The following MUC5B variants were observed in gnomAD, a reference collection of about 807,000 sequenced individuals.
The protein encoded by MUC5B is mucin 5B, oligomeric mucus/gel-forming.
A neutral mutation model predicts 376.9 loss-of-function variants in MUC5B; 116 were observed. The ratio of observed to expected loss-of-function variants is 0.31; its 90% CI spans 0.26 to 0.36. MUC5B has a LOEUF of 0.36. Among genes scored for constraint, MUC5B ranks in the 10% least tolerant of loss-of-function variants. The probability of loss-of-function intolerance (pLI) is 1.00; values close to 1 mark genes in which losing one functional copy is unlikely to be tolerated. For missense variants in MUC5B, 7,165 were observed against 7,769.9 expected, an observed-to-expected ratio of 0.92 and a Z score of 2.93; for synonymous variants, 3,517 against 3,390.9, an observed-to-expected ratio of 1.04 and a Z score of -1.29.
rs371958309 is a variant in MUC5B at position 1,226,624 on chromosome 11, C to T, written c.209C>T (p.Pro70Leu). ...TVFPSLSPLN[P>L]AHNGRVCSTW... ...CCCGCGCTCCCCACAGCCCTGAACC[C>T]GGCGCACAATGGGCGGGTGTGCAGC... Residue 70 changes from proline (P) to leucine (L), a missense_variant, in exon 4 of 49, where the codon CCG becomes CTG. Transcript: ENST00000529681. The T allele has an allele frequency of 2.7e-5, 43 of 1,609,866 alleles. No individual in the cohort carries two copies. The highest frequency in any genetic ancestry group is 2.3e-4 in the African/African-American group (17 of 74,848).
chr11:1,239,180 C>T (rs775866751), intron 26 of MUC5B, 153 bp downstream of exon 26: 3 of 1,050,022 alleles, frequency 2.9e-6, no homozygotes, highest in Non-Finnish European at 4.2e-6. Context: ...AGTTTCTATG[C>T]ACAGAGGAAG....
intron 1 of MUC5B, among the ~76,000 whole-genome samples, chr11:1,223,713 C>T (rs1239176982): frequency 2.6e-5 from 4 of 152,236 alleles, no homozygotes; most frequent in Admixed American, 1.3e-4. Context: ...AACCCACGCT[C>T]GACTCCCACG....
chr11:1,247,335 A>T lies in MUC5B; in HGVS notation c.10455A>T (p.Thr3485=). ...TSGILGTTHI[T]EPSTVTSHTP... is the part of the protein sequence containing the mutation. ...GCATCTTGGGCACCACCCACATCAC[A>T]GAGCCTTCCACGGTGACTTCCCACA... The change falls in exon 31 of 49, where the codon ACA becomes ACT. Residue 3485 remains threonine, a synonymous_variant. Transcript: ENST00000529681. 6.2e-7 allele frequency: 1 copy of T among 1,611,142 alleles called. No individual in the cohort carries two copies. Among genetic ancestry groups the T allele is most frequent in the Middle Eastern group, 2.2e-4 (1 of 4,474 alleles).
chr11:1,254,845 A>C lies in MUC5B; in HGVS notation c.15629A>C (p.Tyr5210Ser). Residue 5210 changes from tyrosine (Y) to serine (S), a missense_variant, in exon 35 of 49, where the codon TAC becomes TCC. Physicochemically the swap from Tyr to Ser is moderately radical, Grantham distance 144. Around this residue, in one of 31 missense-constraint regions of MUC5B, gnomAD observed 842 missense variants for 1,016.9 expected, o/e 0.83. Transcript: ENST00000529681. ...CAAGTCTTCCAGGCCCGGCTGCCCT[A>C]CAGCCTCTTCCACAACAACACCGAG... is the stretch of plus-strand genomic sequence containing the variant. The part of the protein sequence containing the change: ...NGQVFQARLP[Y>S]SLFHNNTEGQ... 6.2e-7 allele frequency: 1 copy of C among 1,612,234 alleles called. No homozygotes were observed. Among genetic ancestry groups the C allele is most frequent in the Non-Finnish European group, 8.5e-7 (1 of 1,179,744 alleles).
chr11:1,260,720 A>G lies in MUC5B; in HGVS notation c.17061A>G (p.Gly5687=), dbSNP rs1862975080. ...NITFCEGSCP[G]ASKYSAEAQA... is the part of the protein sequence containing the mutation. ...CCTTCTGCGAGGGCTCCTGCCCCGGAGCGTCCAAGTGAGTGGGCTCCTGGC... is the reference window on the plus strand; with the variant it reads ...CCTTCTGCGAGGGCTCCTGCCCCGGGGCGTCCAAGTGAGTGGGCTCCTGGC... The change falls in exon 48 of 49, where the codon GGA becomes GGG. Residue 5687 remains glycine, a synonymous_variant. Coordinates refer to ENST00000529681, the MANE Select transcript of MUC5B (RefSeq NM_002458.3). 2 of 1,609,440 alleles carry G rather than the reference A, an allele frequency of 1.2e-6. No homozygotes were observed. The highest frequency in any genetic ancestry group is 1.7e-6 in the Non-Finnish European group (2 of 1,178,290).
In MUC5B at chr11:1,242,591, C is replaced by G. The variant is rs1263192106; in HGVS notation, c.5711C>G (p.Thr1904Ser). The part of the protein sequence containing the change: ...TATPSSTPGT[T>S]WILTKPTTTA... ...ACGCCCTCCTCAACTCCGGGGACGA[C>G]CTGGATCCTCACAAAGCCGACCACA... Residue 1904 changes from threonine (T) to serine (S), a missense_variant, in exon 31 of 49, where the codon ACC becomes AGC. Coordinates refer to ENST00000529681, the MANE Select transcript of MUC5B (RefSeq NM_002458.3). 1 of 1,613,670 alleles carries G rather than the reference C, an allele frequency of 6.2e-7. No individual in the cohort carries two copies. The highest frequency in any genetic ancestry group is 8.5e-7 in the Non-Finnish European group (1 of 1,179,810).
chr11:1,239,383 C>T (rs536959745), intron 26 of MUC5B, 55 bp from the exon 27 acceptor site: 34 of 1,563,464 alleles, frequency 2.2e-5, no homozygotes, highest in South Asian at 5.9e-5. Context: ...CTGCCCTGCA[C>T]AACAGGGGTG....
chr11:1,247,809 C>A lies in MUC5B; in HGVS notation c.10929C>A (p.Val3643=), dbSNP rs1391056687. 4 of 1,608,116 alleles carry A rather than the reference C, an allele frequency of 2.5e-6. No homozygotes were observed. The South Asian group carries it at 4.4e-5, about 18-fold the overall frequency. ...AATGCAGCCTGGACTTTGGCCTGGT[C>A]TGCAGGAACCGTGAGCAGGTGGGGA... is the stretch of plus-strand genomic sequence containing the variant. The part of the protein sequence containing the change: ...VVECSLDFGL[V]CRNREQVGKF... Residue 3643 remains valine (V), a synonymous_variant, in exon 31 of 49, where the codon GTC becomes GTA. Transcript: ENST00000529681.
At chr11:1,226,459 G>GAGCAA in intron 3 of MUC5B, 156 bp from the exon 4 acceptor site, 1 of 1,290,878 alleles carries the variant, frequency 7.7e-7, no homozygotes, top group Non-Finnish European at 1.1e-6. Flanking sequence ...AGGGGTCTTG[G>GAGCAA]AGCAAAACAG....
At position 1,258,173 on chromosome 11, in the gene MUC5B, G is replaced by T; in HGVS notation, c.16525G>T (p.Glu5509Ter). ...PGQESICTQE[E>*]GDCCPTFRCR... ...GCAGGAGTCCATCTGCACCCAGGAG[G>T]AGGGCGACTGCTGTCCCACCTTCCG... The change falls in exon 42 of 49, where the codon GAG (glutamate) becomes TAG (stop). Residue 5509 changes from glutamate (E) to a stop codon, truncating the protein, a stop_gained. Coordinates refer to ENST00000529681, the MANE Select transcript of MUC5B (RefSeq NM_002458.3). LOFTEE classifies it high-confidence loss of function. This position sits in a 1 kb window ranked among gnomAD's most constrained non-coding sequence, Gnocchi z 5.5. 1 of 1,600,516 alleles carries T rather than the reference G, an allele frequency of 6.2e-7. No homozygotes were observed. The highest frequency in any genetic ancestry group is 8.5e-7 in the Non-Finnish European group (1 of 1,175,270).
chr11:1,234,248 G>T lies in MUC5B; in HGVS notation c.2421G>T (p.Ser807=), dbSNP rs778182481. The T allele has an allele frequency of 6.2e-7, 1 of 1,607,322 alleles. No homozygotes were observed. ...PMVYLDCSNS[S]AGTPGAECLR... ...TGTACCTGGACTGCAGCAACAGCTC[G>T]GCGGGCACCCCTGGGGCCGAGTGCC... Residue 807 remains serine (S), a synonymous_variant, in exon 20 of 49, where the codon TCG becomes TCT. Coordinates refer to ENST00000529681, the MANE Select transcript of MUC5B (RefSeq NM_002458.3). This position sits in a 1 kb window ranked among gnomAD's most constrained non-coding sequence, Gnocchi z 6.3.
rs547930252 is a variant in MUC5B at position 1,239,950 on chromosome 11, G to T, written c.3728+7G>T. On this transcript the variant is annotated splice_region_variant and intron_variant, in intron 28 of 48. Coordinates refer to ENST00000529681, the MANE Select transcript of MUC5B (RefSeq NM_002458.3). Reference sequence around the variant, plus strand: ...CGGAGAACTGCCAGAGCTGGTGAGGGGGTGGGAAGCGGGTGGCGCTGGGGG... The same window carrying T: ...CGGAGAACTGCCAGAGCTGGTGAGGTGGTGGGAAGCGGGTGGCGCTGGGGG... 1.2e-6 allele frequency: 2 copies of T among 1,612,808 alleles called. No individual in the cohort carries two copies. Among genetic ancestry groups the T allele is most frequent in the East Asian group, 2.2e-5 (1 of 44,856 alleles).
chr11:1,230,383 C>T (rs1861997577), intron 11 of MUC5B, 107 bp from the exon 12 acceptor site: 15 of 1,210,642 alleles, frequency 1.2e-5, no homozygotes, highest in Non-Finnish European at 1.6e-5. Context: ...CCAAGGACCA[C>T]CTCCCCACAG....
At position 1,253,658 on chromosome 11, in the gene MUC5B, G is replaced by A. The variant is rs553395297; in HGVS notation, c.15218-434G>A. Among the ~76,000 whole-genome samples the A allele has an allele frequency of 3.3e-5, 5 of 152,186 alleles. No homozygotes were observed. In the East Asian group the frequency reaches 7.7e-4, roughly 24 times the overall value. ...CTGAGGGTCTGGGGAGGTCCTTCCT[G>A]CCTCTCCCAGCTTTGGGGACTCCAG... is the stretch of plus-strand genomic sequence containing the variant. On this transcript the variant is annotated intron_variant, in intron 33 of 48. Transcript: ENST00000529681. This position sits in a 1 kb window ranked among gnomAD's most constrained non-coding sequence, Gnocchi z 4.3.
Position 1,254,868 on chromosome 11 carries a change from G to A in MUC5B, c.15652G>A (p.Glu5218Lys), listed in dbSNP as rs767951551. The A allele has an allele frequency of 1.3e-5, 21 of 1,611,186 alleles. No homozygotes were observed. The highest frequency in any genetic ancestry group is 4.5e-5 in the East Asian group (2 of 44,886). Residue 5218 changes from glutamate (E) to lysine (K), a missense_variant, in exon 35 of 49, where the codon GAG becomes AAG. Coordinates refer to ENST00000529681, the MANE Select transcript of MUC5B (RefSeq NM_002458.3). ...CTACAGCCTCTTCCACAACAACACC[G>A]AGGGCCAGTGCGGTGAGTGGGCGGC... ...LPYSLFHNNT[E>K]GQCGTCTNNQ...
rs1862757281 is a variant in MUC5B, at chr11:1,253,521, C to A, written c.15217+541C>A. On this transcript the variant is annotated intron_variant, in intron 33 of 48. Transcript: ENST00000529681. The surrounding 1 kb of genome is among the most constrained non-coding windows in gnomAD (Gnocchi z 4.3). ...CTCACTCCTCCCCATGTCCTTGGCC[C>A]AGGGCTGCTGTTCCAAACCGCCACA... is the stretch of plus-strand genomic sequence containing the variant. Among the ~76,000 whole-genome samples the A allele has an allele frequency of 6.6e-6, 1 of 152,160 alleles. No individual in the cohort carries two copies. The highest frequency in any genetic ancestry group is 2.4e-5 in the African/African-American group (1 of 41,434).
intron 31 of MUC5B, 50 bp downstream of exon 31, chr11:1,251,793 C>T (rs141265362): frequency 1.9e-4 from 254 of 1,310,908 alleles, no homozygotes; most frequent in Non-Finnish European, 2.5e-4. Context: ...CATGCTATGC[C>T]AACCTGGGTC....
At position 1,240,870 on chromosome 11, in the gene MUC5B, C is replaced by T. The variant is rs925997410; in HGVS notation, c.3990C>T (p.Ser1330=). Residue 1330 remains serine, a synonymous_variant, in exon 31 of 49, where the codon TCC becomes TCT. Transcript: ENST00000529681. ...HSTTSPALPV[S]TVCVREVCRW... ...TTGCAGGCCCGGCCCTCCCGGTCTC[C>T]ACCGTGTGTGTCCGCGAGGTCTGCC... The T allele has an allele frequency of 1.9e-6, 3 of 1,610,922 alleles. No homozygotes were observed. The African/African-American group carries it at 4.0e-5, about 22-fold the overall frequency.
Position 1,243,054 on chromosome 11 carries a change from C to A in MUC5B, c.6174C>A (p.Gly2058=). 6.2e-7 allele frequency: 1 copy of A among 1,611,138 alleles called. No individual in the cohort carries two copies. The highest frequency in any genetic ancestry group is 8.5e-7 in the Non-Finnish European group (1 of 1,178,130). The part of the protein sequence containing the change: ...TTKVPTTTTT[G]FTATPSSSPG... ...AAGTGCCAACTACCACAACCACGGGCTTCACAGCCACCCCCTCCTCCAGCC... is the reference window on the plus strand; with the variant it reads ...AAGTGCCAACTACCACAACCACGGGATTCACAGCCACCCCCTCCTCCAGCC... Residue 2058 remains glycine, a synonymous_variant, in exon 31 of 49, where the codon GGC becomes GGA. Coordinates refer to ENST00000529681, the MANE Select transcript of MUC5B (RefSeq NM_002458.3).
Sources: allele counts gnomAD v4.1 joint callset (sites outside exome capture counted in the v4.1 genomes callset), GRCh38; gene constraint gnomAD v4.1.1; regional missense constraint gnomAD v4.1.1; non-coding constraint Gnocchi (gnomAD v3.1); transcripts MANE v1.5; gene names NCBI Gene and HGNC (gene_info 2026-07-23, HGNC 2026-07-21).